RAB6A: variants seen among roughly 807,000 people sequenced by gnomAD.
RAB6A encodes the protein ras-related protein Rab-6A.
A neutral mutation model predicts 32.3 loss-of-function variants in RAB6A; 8 were observed. The ratio of observed to expected loss-of-function variants is 0.25; its 90% CI spans 0.15 to 0.45. RAB6A has a LOEUF of 0.45. Ranked by LOEUF, RAB6A falls within the 20% of genes least tolerant of loss-of-function variation. The pLI, the probability that RAB6A is intolerant of heterozygous loss-of-function variation, is 1.00. For synonymous variants in RAB6A, 73 were observed against 82.1 expected (o/e 0.89, Z 0.60); for missense variants, 104 against 249.4 (o/e 0.42, Z 3.93).
At chr11:73,758,967 TC>T (rs1052830948) in intron 1 of RAB6A, among the ~76,000 whole-genome samples, 15 of 151,908 alleles carry the variant, frequency 9.9e-5, no homozygotes, top group African/African-American at 3.6e-4. Context: ...ATTGTATTTT[TC>T]CCCCCAAAAG....
chr11:73,709,961 A>ATATATT (rs1555058418), intron 5 of RAB6A, among the ~76,000 whole-genome samples: 7 of 81,758 alleles, frequency 8.6e-5, no homozygotes, highest in African/African-American at 1.8e-4. Flanking sequence ...ATATATATAT[A>ATATATT]TTTTTTTTTT....
Position 73,760,752 on chromosome 11 carries a change from T to G in RAB6A, c.-117A>C. ...GCGGGCACCGAGCTCTCTCGGCCCC[T>G]GCAAGGCCCGGTGGAGGAGCCCGGC... On this transcript the variant is annotated 5_prime_UTR_variant, in exon 1 of 8. Coordinates refer to ENST00000336083, the MANE Select transcript of RAB6A (RefSeq NM_198896.2). 7.7e-6 allele frequency: 11 copies of G among 1,433,288 alleles called. No individual in the cohort carries two copies. The highest frequency in any genetic ancestry group is 1.0e-5 in the Non-Finnish European group (11 of 1,055,750). 88.8% of individuals were successfully genotyped at this position (1,433,288 alleles called of 1,614,324 possible).
chr11:73,750,301 C>G (rs564026974), intron 1 of RAB6A, among the ~76,000 whole-genome samples: 1 of 151,758 alleles, frequency 6.6e-6, no homozygotes, highest in South Asian at 2.1e-4. Flanking sequence ...CTTAGCATAA[C>G]GTCCTCAAAG....
chr11:73,711,689 C>CA (rs1945960114), intron 5 of RAB6A, among the ~76,000 whole-genome samples: 1 of 152,142 alleles, frequency 6.6e-6, no homozygotes, highest in Admixed American at 6.5e-5. Flanking sequence ...TAGATATTGC[C>CA]AAAAATCAAC....
At position 73,716,374 on chromosome 11, in the gene RAB6A, G is replaced by A. The variant is rs1430860659; in HGVS notation, c.290-12C>T. On this transcript the variant is annotated splice_polypyrimidine_tract_variant and intron_variant, in intron 4 of 7. Coordinates refer to ENST00000336083, the MANE Select transcript of RAB6A (RefSeq NM_198896.2). ...GAATGAGTTAACATCTAGTATAGGA[G>A]GGTAGACAGAGAGATTAGTGTTGCT... 8 of 1,588,780 alleles carry A rather than the reference G, an allele frequency of 5.0e-6. No homozygotes were observed. Among genetic ancestry groups the A allele is most frequent in the East Asian group, 4.5e-5 (2 of 44,682 alleles).
intron 1 of RAB6A, among the ~76,000 whole-genome samples, chr11:73,752,081 A>G (rs1946677607): frequency 6.6e-6 from 1 of 152,230 alleles, no homozygotes; most frequent in African/African-American, 2.4e-5. Flanking sequence ...ATTTACAAAA[A>G]CTAAATATGC....
intron 5 of RAB6A, among the ~76,000 whole-genome samples, chr11:73,709,385 G>A (rs1274895102): frequency 1.3e-5 from 2 of 151,110 alleles, no homozygotes; most frequent in East Asian, 1.9e-4. Context: ...ATAAATGCTC[G>A]AGTCAGTCTC....
intron 6 of RAB6A, among the ~76,000 whole-genome samples, chr11:73,699,995 G>A (rs754445667): frequency 3.9e-5 from 6 of 152,284 alleles, no homozygotes; most frequent in African/African-American, 1.4e-4. Flanking sequence ...ACCTGTTAGA[G>A]CTGATGCCCA....
intron 2 of RAB6A, among the ~76,000 whole-genome samples, chr11:73,727,208 T>A (rs1946235931): frequency 6.6e-6 from 1 of 151,934 alleles, no homozygotes; most frequent in Admixed American, 6.6e-5. Flanking sequence ...CAGGAGGATC[T>A]CCTGAGCCTG....
intron 1 of RAB6A, among the ~76,000 whole-genome samples, chr11:73,734,978 T>C (rs1946372444): frequency 6.6e-6 from 1 of 152,214 alleles, no homozygotes; most frequent in Admixed American, 6.5e-5. Context: ...AGCATTTCCT[T>C]TGAAAGTCAT....
chr11:73,691,997 G>C (rs1421103670), intron 6 of RAB6A, among the ~76,000 whole-genome samples: 1 of 151,960 alleles, frequency 6.6e-6, no homozygotes, highest in African/African-American at 2.4e-5. Flanking sequence ...AAAGCAAAAA[G>C]TGCAGCACAA....
chr11:73,722,864 T>C (rs1299069621), intron 2 of RAB6A, among the ~76,000 whole-genome samples: 1 of 152,144 alleles, frequency 6.6e-6, no homozygotes, highest in East Asian at 1.9e-4. Flanking sequence ...TGGAGTGCAG[T>C]GGCGTGATCT....
intron 3 of RAB6A, among the ~76,000 whole-genome samples, chr11:73,719,434 G>A (rs544663862): frequency 7.2e-5 from 11 of 152,274 alleles, no homozygotes; most frequent in African/African-American, 2.4e-4. Flanking sequence ...CAGAACATGC[G>A]AGTGTGTGCG....
intron 5 of RAB6A, among the ~76,000 whole-genome samples, chr11:73,709,115 T>G (rs1168054994): frequency 6.6e-6 from 1 of 152,080 alleles, no homozygotes; most frequent in Non-Finnish European, 1.5e-5. Context: ...GTGAATTTCC[T>G]AAAAACAAGG....
chr11:73,728,180 T>A (rs916862318), intron 2 of RAB6A, among the ~76,000 whole-genome samples: 1 of 152,210 alleles, frequency 6.6e-6, no homozygotes, highest in East Asian at 1.9e-4. Context: ...GTTTGTTCTT[T>A]GATTTTTGGT....
intron 2 of RAB6A, among the ~76,000 whole-genome samples, chr11:73,728,810 C>T (rs1047991406): frequency 1.3e-5 from 2 of 151,904 alleles, no homozygotes; most frequent in Non-Finnish European, 2.9e-5. Context: ...ACTGACCTCA[C>T]AGAATGAGGT....
intron 2 of RAB6A, among the ~76,000 whole-genome samples, chr11:73,728,925 T>C (rs1432128017): frequency 1.3e-5 from 2 of 152,114 alleles, no homozygotes; most frequent in Non-Finnish European, 2.9e-5. Flanking sequence ...GGATTTTCTA[T>C]GTGGGCAGTT....
At chr11:73,715,276 G>A (rs1022406093) in intron 5 of RAB6A, among the ~76,000 whole-genome samples, 1 of 152,044 alleles carries the variant, frequency 6.6e-6, no homozygotes, top group African/African-American at 2.4e-5. Flanking sequence ...ACAGGTGCAT[G>A]CCACAGCGCC....
chr11:73,721,097 G>A (rs12285464), intron 2 of RAB6A, among the ~76,000 whole-genome samples, 198 bp from the exon 3 acceptor site: 1 of 152,168 alleles, frequency 6.6e-6, no homozygotes, highest in South Asian at 2.1e-4. Context: ...CTTCATATCA[G>A]AGATTGTTTT....
Sources: gnomAD v4.1 joint callset for allele counts (sites outside exome capture counted in the v4.1 genomes callset) on GRCh38, gnomAD v4.1.1 for gene constraint, MANE v1.5 for transcripts, NCBI Gene and HGNC (gene_info 2026-07-23, HGNC 2026-07-21) for gene names.